Variants in TFIP11 observed in about 807,000 individuals in gnomAD.
The protein encoded by TFIP11 is tuftelin interacting protein 11, also known as tuftelin-interacting protein 11.
TFIP11 carries 86 observed loss-of-function variants against 96.8 expected under a neutral mutation model. The ratio of observed to expected loss-of-function variants is 0.89; its 90% CI spans 0.75 to 1.06. The LOEUF (loss-of-function observed/expected upper bound fraction) is 1.06, where lower values mean the gene tolerates loss of function less well. Ranked by LOEUF, TFIP11 falls within the 50% of genes least tolerant of loss-of-function variation. The probability of loss-of-function intolerance (pLI) is 0.00; values close to 1 mark genes in which losing one functional copy is unlikely to be tolerated. For missense variants in TFIP11, 881 were observed against 1,076.7 expected (o/e 0.82, Z 2.54); for synonymous variants, 405 against 395.2 (o/e 1.02, Z -0.29).
rs1467260588 is a variant in TFIP11 at position 26,504,972 on chromosome 22, A to T, written c.521-1179T>A. On this transcript the variant is annotated intron_variant, in intron 6 of 14. Coordinates refer to ENST00000407690, the MANE Select transcript of TFIP11 (RefSeq NM_012143.4). ...GTGCCTGTAATCCCTGCTACTCGGG[A>T]GGCTGAGGCAGGAGAATCACTTGAA... Among the ~76,000 whole-genome samples the T allele has an allele frequency of 3.3e-5, 5 of 152,134 alleles. No homozygotes were observed. In the East Asian group the frequency reaches 9.6e-4, roughly 29 times the overall value.
chr22:26,498,873 G>A lies in TFIP11; in HGVS notation c.1432C>T (p.His478Tyr), dbSNP rs772174395. 4 of 1,613,700 alleles carry A rather than the reference G, an allele frequency of 2.5e-6. No individual in the cohort carries two copies. Among genetic ancestry groups the A allele is most frequent in the Non-Finnish European group, 3.4e-6 (4 of 1,179,754 alleles). The change falls in exon 10 of 15, where the codon CAC (histidine) becomes TAC (tyrosine). Residue 478 changes from histidine to tyrosine, a missense_variant. Coordinates refer to ENST00000407690, the MANE Select transcript of TFIP11 (RefSeq NM_012143.4). ...GGQDLSADAF[H>Y]RLIWEVWMPF... The stretch of plus-strand genomic sequence containing the variant: ...GAGCCCTGCTCTGTGGTGTACCTGT[G>A]AAAGGCATCTGCTGAGAGGTCCTGT...
chr22:26,491,401 C>A lies in TFIP11; in HGVS notation c.*612G>T. ...GATGACAAGTAAAGTGGAAATTTAT[C>A]CCAGAAGAGTGGGGATTACTGTGAC... On this transcript the variant is annotated 3_prime_UTR_variant, in exon 15 of 15. Transcript: ENST00000407690. 7.8e-7 allele frequency: 1 copy of A among 1,283,686 alleles called. No homozygotes were observed. The highest frequency in any genetic ancestry group is 1.1e-6 in the Non-Finnish European group (1 of 907,290). The allele number at this position is 1,283,686 out of a possible 1,614,324, so 79.5% of individuals were successfully genotyped here.
rs780344890 is a variant in TFIP11, at chr22:26,512,400, G to C, written c.-179C>G. On this transcript the variant is annotated 5_prime_UTR_variant, in exon 1 of 15. Coordinates refer to ENST00000407690, the MANE Select transcript of TFIP11 (RefSeq NM_012143.4). ...TGTGGCCAGCCGTGCTCACCTGTCCGAGGGTCCAGCGTACCAAATTCAGCT... is the reference window on the plus strand; with the variant it reads ...TGTGGCCAGCCGTGCTCACCTGTCCCAGGGTCCAGCGTACCAAATTCAGCT... The C allele has an allele frequency of 6.6e-6, 1 of 152,212 alleles. No homozygotes were observed. The highest frequency in any genetic ancestry group is 2.4e-5 in the African/African-American group (1 of 41,428). 9.4% of individuals were successfully genotyped at this position (152,212 alleles called of 1,614,324 possible).
intron 4 of TFIP11, among the ~76,000 whole-genome samples, chr22:26,509,757 G>A (rs1923828010): frequency 6.6e-6 from 1 of 152,144 alleles, no homozygotes; most frequent in African/African-American, 2.4e-5. Flanking sequence ...TCGGGAGGCT[G>A]AGGCACGGGA....
In TFIP11 at chr22:26,501,930, A is replaced by G. The variant is rs1214772187; in HGVS notation, c.771T>C (p.Thr257=). 3 of 1,613,758 alleles carry G rather than the reference A, an allele frequency of 1.9e-6. No individual in the cohort carries two copies. The highest frequency in any genetic ancestry group is 2.5e-6 in the Non-Finnish European group (3 of 1,179,928). Residue 257 remains threonine, a synonymous_variant, in exon 8 of 15, where the codon ACT becomes ACC. Transcript: ENST00000407690. ...CTTGAGAAAGTTCCTTCTGGGGAGC[A>G]GTGAGCTTCTTGCTAATCCTGCCCT... ...KAKGRISKKL[T]APQKELSQVK...
intron 8 of TFIP11, 107 bp downstream of exon 8, chr22:26,501,785 CAAAAAAAA>C (rs371327421): frequency 4.2e-5 from 11 of 261,560 alleles, no homozygotes; most frequent in African/African-American, 1.7e-4. Context: ...AGCAAGGTAC[CAAAAAAAA>C]AAAAAAAAAA....
At chr22:26,495,586 G>T in intron 12 of TFIP11, among the ~76,000 whole-genome samples, 1 of 50,808 alleles carries the variant, frequency 2.0e-5, no homozygotes. Flanking sequence ...GTGTGTGTGT[G>T]TATACATATA....
rs754302773 is a variant in TFIP11, at chr22:26,494,807, T to C, written c.1982A>G (p.Lys661Arg). ...VGLLEKHFFPKWLQVLCSWLS... is the reference protein window; with the variant it reads ...VGLLEKHFFPRWLQVLCSWLS... ...CAAAACAAAGTGTACCTGAAGCCAC[T>C]TGGGGAAGAAGTGCTTTTCAAGAAG... Residue 661 changes from lysine (K) to arginine (R), a missense_variant, in exon 13 of 15, where the codon AAG becomes AGG. Physicochemically the swap from Lys to Arg is conservative, Grantham distance 26. Transcript: ENST00000407690. 10 of 1,614,066 alleles carry C rather than the reference T, an allele frequency of 6.2e-6. No individual in the cohort carries two copies. Among genetic ancestry groups the C allele is most frequent in the South Asian group, 1.1e-5 (1 of 91,070 alleles).
chr22:26,494,023 T>C (rs544668537), intron 14 of TFIP11, 116 bp downstream of exon 14: 1 of 1,197,408 alleles, frequency 8.4e-7, no homozygotes, highest in East Asian at 2.4e-5. Context: ...TGTGCAAAAG[T>C]GTGACCTAAG....
rs775462085 is a variant in TFIP11 at position 26,499,612 on chromosome 22, C to T, written c.821G>A (p.Arg274Gln). The change falls in exon 9 of 15, where the codon CGG (arginine) becomes CAG (glutamine). Residue 274 changes from arginine (R) to glutamine (Q), a missense_variant. By Grantham distance (43) the Arg-to-Gln change is conservative (BLOSUM62 1). Transcript: ENST00000407690. ...GTAGCTGTAGTAGACCTTCTGCTCCCGGCCTGTCATGTCTATGACCTTGGA... is the reference window on the plus strand; with the variant it reads ...GTAGCTGTAGTAGACCTTCTGCTCCTGGCCTGTCATGTCTATGACCTTGGA... ...SQVKVIDMTGREQKVYYSYSQ... is the reference protein window; with the variant it reads ...SQVKVIDMTGQEQKVYYSYSQ... 2.5e-6 allele frequency: 4 copies of T among 1,612,112 alleles called. No individual in the cohort carries two copies. The highest frequency in any genetic ancestry group is 1.7e-5 in the Admixed American group (1 of 59,978).
At position 26,492,358 on chromosome 22, in the gene TFIP11, C is replaced by T. The variant is rs2147115389; in HGVS notation, c.2169G>A (p.Met723Ile). The T allele has an allele frequency of 6.2e-7, 1 of 1,614,080 alleles. No homozygotes were observed. Among genetic ancestry groups the T allele is most frequent in the South Asian group, 1.1e-5 (1 of 91,080 alleles). ...RAVSSNVGAY[M>I]QPGARENIAY... ...CAATGTTCTCCCGTGCTCCTGGCTG[C>T]ATGTAGGCACCTAAGATACAGGAGG... Residue 723 changes from methionine to isoleucine, a missense_variant, in exon 15 of 15, where the codon ATG becomes ATA. Coordinates refer to ENST00000407690, the MANE Select transcript of TFIP11 (RefSeq NM_012143.4).
rs762581430 is a variant in TFIP11 at position 26,496,917 on chromosome 22, G to A, written c.1437-28C>T. 4 of 1,611,176 alleles carry A rather than the reference G, an allele frequency of 2.5e-6. No individual in the cohort carries two copies. In the South Asian group the frequency reaches 3.3e-5, roughly 13 times the overall value. ...ATGGGAGAAAGGCAGAGGACAGGCT[G>A]GTTAATTACACTGACTGGTTTCAAA... On this transcript the variant is annotated intron_variant, in intron 10 of 14. Transcript: ENST00000407690.
At position 26,496,140 on chromosome 22, in the gene TFIP11, G is replaced by C; in HGVS notation, c.1782C>G (p.Pro594=). The C allele has an allele frequency of 6.2e-7, 1 of 1,613,986 alleles. No homozygotes were observed. Among genetic ancestry groups the C allele is most frequent in the Non-Finnish European group, 8.5e-7 (1 of 1,180,024 alleles). Residue 594 remains proline (P), a synonymous_variant, in exon 12 of 15, where the codon CCC becomes CCG. Coordinates refer to ENST00000407690, the MANE Select transcript of TFIP11 (RefSeq NM_012143.4). ...AGCCAGGAGTGAAGACATCCTTCCA[G>C]GGCTGGAGGATGAGCTTGGCAGAGG... ...SDSSAKLILQ[P]WKDVFTPGSW...
Position 26,512,463 on chromosome 22 carries a change from AACCCGGAAGC to A in TFIP11, c.-252_-243del, listed in dbSNP as rs1278998254. 1 of 152,330 alleles carries A rather than the reference AACCCGGAAGC, an allele frequency of 6.6e-6. No individual in the cohort carries two copies. The highest frequency in any genetic ancestry group is 2.4e-5 in the African/African-American group (1 of 41,454). The allele number at this position is 152,330 out of a possible 1,614,324, so 9.4% of individuals were successfully genotyped here. On this transcript the variant is annotated 5_prime_UTR_variant, in exon 1 of 15. Coordinates refer to ENST00000407690, the MANE Select transcript of TFIP11 (RefSeq NM_012143.4). ...CGAGAAGACGCCGCTCCTACACCAG[AACCCGGAAGC>A]ACCGTGGCCGGCGCGCCGGAAATGA...
At chr22:26,493,393 A>T (rs1921476462) in intron 14 of TFIP11, 1 of 152,242 alleles carries the variant, frequency 6.6e-6, no homozygotes, top group Non-Finnish European at 1.5e-5. Flanking sequence ...GCCACCCTTT[A>T]ACTATGTGAC....
intron 5 of TFIP11, 87 bp from the exon 6 acceptor site, chr22:26,506,546 T>G: frequency 6.7e-7 from 1 of 1,492,160 alleles, no homozygotes; most frequent in Non-Finnish European, 9.0e-7. Context: ...GAAAATGGCC[T>G]AAGTTATACA....
In TFIP11 at chr22:26,503,726, C is replaced by T; in HGVS notation, c.588G>A (p.Glu196=). The part of the protein sequence containing the change: ...GKGAVGAYGS[E]RTTQSMQDFP... The stretch of plus-strand genomic sequence containing the variant: ...AGTCTTGCATGGACTGAGTGGTGCG[C>T]TCGGATCCATAAGCCCCCACAGCAC... The change falls in exon 7 of 15, where the codon GAG becomes GAA. Residue 196 remains glutamate, a synonymous_variant. Transcript: ENST00000407690. The T allele has an allele frequency of 1.9e-6, 3 of 1,614,014 alleles. No individual in the cohort carries two copies. The highest frequency in any genetic ancestry group is 2.5e-6 in the Non-Finnish European group (3 of 1,180,008).
At chr22:26,496,047 T>TG (rs1366028352) in intron 12 of TFIP11, 26 bp downstream of exon 12, 21 of 1,606,602 alleles carry the variant, frequency 1.3e-5, no homozygotes, top group Non-Finnish European at 1.8e-5. Flanking sequence ...CTGCTGGGCT[T>TG]GGAATGCATT....
At position 26,506,767 on chromosome 22, in the gene TFIP11, G is replaced by A. The variant is rs1019551682; in HGVS notation, c.363+8C>T. Reference sequence around the variant, plus strand: ...TTCCTAGGGTCACAATCCTGCAATAGAGACTACCGTTTTTAGCTTCCTTGG... The same window carrying A: ...TTCCTAGGGTCACAATCCTGCAATAAAGACTACCGTTTTTAGCTTCCTTGG... On this transcript the variant is annotated splice_region_variant and intron_variant, in intron 5 of 14. Coordinates refer to ENST00000407690, the MANE Select transcript of TFIP11 (RefSeq NM_012143.4). 1.9e-6 allele frequency: 3 copies of A among 1,614,112 alleles called. No individual in the cohort carries two copies. Among genetic ancestry groups the A allele is most frequent in the Admixed American group, 3.3e-5 (2 of 60,008 alleles).
Sources: allele counts gnomAD v4.1 joint callset (sites outside exome capture counted in the v4.1 genomes callset), GRCh38; gene constraint gnomAD v4.1.1; transcripts MANE v1.5; gene names NCBI Gene and HGNC (gene_info 2026-07-23, HGNC 2026-07-21).